Variants in PDE10A observed in about 807,000 individuals in gnomAD.
The protein encoded by PDE10A is phosphodiesterase 10A.
In PDE10A, 39 loss-of-function variants were observed where a neutral mutation model predicts 97.7. That is an observed-to-expected ratio of 0.40 (90% CI 0.31 to 0.52). The LOEUF (loss-of-function observed/expected upper bound fraction) is 0.52. Ranked by LOEUF, PDE10A falls within the 20% of genes least tolerant of loss-of-function variation. The probability of loss-of-function intolerance (pLI) is 0.56; values close to 1 mark genes in which losing one functional copy is unlikely to be tolerated. For synonymous variants in PDE10A, 371 were observed against 376.8 expected (o/e 0.98, Z 0.18); for missense variants, 731 against 1,047.8 (o/e 0.70, Z 4.17).
At chr6:165,931,799 C>T (rs1783144828) in intron 1 of PDE10A, among the ~76,000 whole-genome samples, 1 of 152,182 alleles carries the variant, frequency 6.6e-6, no homozygotes, top group South Asian at 2.1e-4. Flanking sequence ...GTCACTTCTC[C>T]TCCTTCCAAA....
rs748111095 is a variant in PDE10A, at chr6:165,875,731, G to GTTTTTTTTT, written c.-615+111789_-615+111797dup. On this transcript the variant is annotated intron_variant, in intron 1 of 19. Transcript: ENST00000366882. ...CTGATAGGACTTATTTTCTTTTACTGTTTTTTTTTTTTTTTTGTGTGTGTG... is the reference window on the plus strand; with the variant it reads ...CTGATAGGACTTATTTTCTTTTACTGTTTTTTTTTTTTTTTTTTTTTTTTTGTGTGTGTG... 1.9e-4 allele frequency among the ~76,000 whole-genome samples: 9 copies of GTTTTTTTTT among 46,900 alleles called. 1 individual carries two copies. Among genetic ancestry groups the GTTTTTTTTT allele is most frequent in the African/African-American group, 4.7e-4 (6 of 12,806 alleles). The allele number at this position is 46,900 out of a possible 152,430, so 30.8% of individuals were successfully genotyped here. A position where few individuals can be genotyped will look rare whatever the true frequency, so the allele number is the denominator to read the frequency against.
At chr6:165,509,778 T>C (rs952609533) in intron 2 of PDE10A, among the ~76,000 whole-genome samples, 1 of 151,936 alleles carries the variant, frequency 6.6e-6, no homozygotes, top group East Asian at 1.9e-4. Context: ...GTTTTCCTTA[T>C]ACAGAGATCT....
chr6:165,559,580 A>G (rs141502505), intron 1 of PDE10A, among the ~76,000 whole-genome samples: 108 of 152,348 alleles, frequency 7.1e-4, no homozygotes, highest in African/African-American at 2.4e-3. Context: ...TTCTTTATTC[A>G]AATCATCAAG....
At chr6:165,404,254 C>T (rs1251336085) in intron 13 of PDE10A, among the ~76,000 whole-genome samples, 4 of 151,960 alleles carry the variant, frequency 2.6e-5, no homozygotes, top group Admixed American at 1.3e-4. Context: ...GTGCTGCAGC[C>T]GACTAAAGAA....
intron 1 of PDE10A, among the ~76,000 whole-genome samples, chr6:165,620,337 A>T (rs938090676): frequency 1.3e-5 from 2 of 152,124 alleles, no homozygotes; most frequent in African/African-American, 2.4e-5. Context: ...ATGGGGGGGT[A>T]GAAATGGCCA....
intron 1 of PDE10A, among the ~76,000 whole-genome samples, chr6:165,920,304 A>G (rs1016134686): frequency 6.6e-6 from 1 of 152,180 alleles, no homozygotes; most frequent in African/African-American, 2.4e-5. Flanking sequence ...CATTTAGTGT[A>G]TTATCCACTT....
At chr6:165,796,086 C>CCTTT (rs1778819834) in intron 1 of PDE10A, among the ~76,000 whole-genome samples, 1 of 120,480 alleles carries the variant, frequency 8.3e-6, no homozygotes, top group African/African-American at 3.3e-5. Context: ...TCTTTTTTTT[C>CCTTT]TTTTCTTTTT....
chr6:165,673,998 C>T (rs201497186), intron 1 of PDE10A, among the ~76,000 whole-genome samples: 10 of 151,808 alleles, frequency 6.6e-5, no homozygotes, highest in Non-Finnish European at 1.0e-4. Context: ...TAAAGTGTTT[C>T]CGTGTCCATA....
intron 13 of PDE10A, among the ~76,000 whole-genome samples, chr6:165,401,116 T>C (rs1786627501): frequency 6.6e-6 from 1 of 152,204 alleles, no homozygotes; most frequent in Non-Finnish European, 1.5e-5. Context: ...TTCATGGGTA[T>C]GTGTGTATAC....
intron 1 of PDE10A, among the ~76,000 whole-genome samples, chr6:165,693,721 G>A (rs1791369659): frequency 6.6e-6 from 1 of 152,074 alleles, no homozygotes; most frequent in African/African-American, 2.4e-5. Flanking sequence ...TCCCCAATCT[G>A]AAAGAACAGT....
At chr6:165,826,760 T>C (rs1583155379) in intron 1 of PDE10A, among the ~76,000 whole-genome samples, 1 of 112,276 alleles carries the variant, frequency 8.9e-6, no homozygotes, top group Non-Finnish European at 1.8e-5. Context: ...GCTGACATCA[T>C]GGAGATGTGC....
intron 18 of PDE10A, among the ~76,000 whole-genome samples, chr6:165,348,736 T>G (rs572608298): frequency 6.6e-6 from 1 of 152,302 alleles, no homozygotes; most frequent in Non-Finnish European, 1.5e-5. Flanking sequence ...TCTCCACATG[T>G]TGTGGGAGAG....
intron 1 of PDE10A, among the ~76,000 whole-genome samples, chr6:165,879,960 A>C (rs1470405114): frequency 6.6e-6 from 1 of 152,022 alleles, no homozygotes; most frequent in Non-Finnish European, 1.5e-5. Flanking sequence ...AAGTTGGGAA[A>C]TTTATCCTAA....
At chr6:165,780,253 G>T (rs1360704214) in intron 1 of PDE10A, 2 of 152,056 alleles carry the variant, frequency 1.3e-5, no homozygotes, top group African/African-American at 4.8e-5. Context: ...GTTCAAAAAG[G>T]CCAGTCATTT....
upstream of PDE10A, among the ~76,000 whole-genome samples, chr6:165,664,109 C>T (rs756227116): frequency 6.6e-5 from 10 of 152,120 alleles, no homozygotes; most frequent in Non-Finnish European, 1.5e-4. Flanking sequence ...GGTCACCTTC[C>T]CCGGAGTGGA....
At chr6:165,579,996 TAC>T (rs1491354534) in intron 1 of PDE10A, among the ~76,000 whole-genome samples, 1 of 152,200 alleles carries the variant, frequency 6.6e-6, no homozygotes, top group Non-Finnish European at 1.5e-5. Context: ...CACTCTGTTC[TAC>T]ATCATTTTTC....
At chr6:165,338,931 G>T (rs946723183) in intron 20 of PDE10A, among the ~76,000 whole-genome samples, 2 of 152,196 alleles carry the variant, frequency 1.3e-5, no homozygotes, top group African/African-American at 4.8e-5. Context: ...AGACCCTCAG[G>T]ATTCCTCACT....
intron 10 of PDE10A, among the ~76,000 whole-genome samples, chr6:165,420,636 G>C (rs1788627154): frequency 6.6e-6 from 1 of 152,124 alleles, no homozygotes; most frequent in Admixed American, 6.5e-5. Context: ...GCATAAATAT[G>C]TTAATATTTG....
intron 2 of PDE10A, among the ~76,000 whole-genome samples, chr6:165,498,728 G>A (rs367970611): frequency 3.3e-5 from 5 of 152,084 alleles, no homozygotes; most frequent in African/African-American, 9.7e-5. Context: ...GACTTAAATT[G>A]TCTCATTTTG....
Sources: allele counts gnomAD v4.1 joint callset (sites outside exome capture counted in the v4.1 genomes callset), GRCh38; gene constraint gnomAD v4.1.1; transcripts MANE v1.5; gene names NCBI Gene and HGNC (gene_info 2026-07-23, HGNC 2026-07-21).